The following MGAT5 variants were observed in gnomAD, a reference collection of about 807,000 sequenced individuals.
MGAT5 encodes alpha-1,6-mannosylglycoprotein 6-beta-N-acetylglucosaminyltransferase.
Under a neutral mutation model 94.3 loss-of-function variants are expected in MGAT5, and 30 were observed. The ratio of observed to expected loss-of-function variants is 0.32; its 90% CI spans 0.24 to 0.43. MGAT5 has a LOEUF of 0.43. Among genes scored for constraint, MGAT5 ranks in the 20% least tolerant of loss-of-function variants. MGAT5 has a pLI of 1.00. For synonymous variants in MGAT5, 310 were observed against 322.9 expected (o/e 0.96, Z 0.43); for missense variants, 691 against 905.5 (o/e 0.76, Z 3.04).
chr2:134,318,854 T>C (rs1376660802), intron 4 of MGAT5, 115 bp downstream of exon 4: 1 of 667,418 alleles, frequency 1.5e-6, no homozygotes, highest in African/African-American at 1.8e-5. Context: ...GGAGGACCTA[T>C]GGTTCCGTCC....
chr2:134,147,787 G>A (rs1444821383), intron 1 of MGAT5, among the ~76,000 whole-genome samples: 2 of 152,090 alleles, frequency 1.3e-5, no homozygotes, highest in East Asian at 1.9e-4. Context: ...CTCCTTCCAC[G>A]TCTATGCCTG....
rs142968172 is a variant in MGAT5 at position 134,145,299 on chromosome 2, C to A, written c.-143+25008C>A. 2.5e-3 allele frequency among the ~76,000 whole-genome samples: 374 copies of A among 152,094 alleles called. 2 individuals are homozygous for A. The highest frequency in any genetic ancestry group is 8.1e-3 in the African/African-American group (337 of 41,454). On this transcript the variant is annotated intron_variant, in intron 1 of 16. Coordinates refer to the MGAT5 transcript ENST00000409645. Reference sequence around the variant, plus strand: ...CGGTGGCTCACGCCTGTAATCCCAGCACTTTGGGAGGCTGAGGCAGGCAGA... The same window carrying A: ...CGGTGGCTCACGCCTGTAATCCCAGAACTTTGGGAGGCTGAGGCAGGCAGA...
rs111644943 is a variant in MGAT5 at position 134,327,148 on chromosome 2, T to C, written c.573+8409T>C. Reference sequence around the variant, plus strand: ...CTAACCCTTCCGATCTTAAAAAAAATGTTGTAAACTTTGTAACATTAAAAT... The same window carrying C: ...CTAACCCTTCCGATCTTAAAAAAAACGTTGTAAACTTTGTAACATTAAAAT... On this transcript the variant is annotated intron_variant, in intron 4 of 15. Transcript: ENST00000281923. Among the ~76,000 whole-genome samples, 863 of 152,234 alleles carry C rather than the reference T, an allele frequency of 5.7e-3. 12 individuals carry two copies. Among genetic ancestry groups the C allele is most frequent in the African/African-American group, 0.019 (808 of 41,554 alleles).
chr2:134,422,724 A>G, intron 12 of MGAT5, 79 bp from the exon 13 acceptor site: 4 of 1,048,118 alleles, frequency 3.8e-6, no homozygotes, highest in South Asian at 2.6e-5. Flanking sequence ...ACTCAGTACC[A>G]TAAAAAGCAT....
At chr2:134,302,814 C>T (rs1686107968) in intron 2 of MGAT5, among the ~76,000 whole-genome samples, 1 of 145,768 alleles carries the variant, frequency 6.9e-6, no homozygotes, top group African/African-American at 2.6e-5. Flanking sequence ...GTGACATTGC[C>T]ATCTTTGTTC....
intron 2 of MGAT5, among the ~76,000 whole-genome samples, chr2:134,316,534 T>C (rs569527040): frequency 6.6e-6 from 1 of 152,354 alleles, no homozygotes; most frequent in African/African-American, 2.4e-5. Flanking sequence ...CATTTATTTG[T>C]ATGTTCTCCA....
chr2:134,454,134 C>T lies in MGAT5; in HGVS notation c.*5287C>T, dbSNP rs1297680535. 2.6e-5 allele frequency: 4 copies of T among 152,238 alleles called. No homozygotes were observed. Among genetic ancestry groups the T allele is most frequent in the African/African-American group, 7.2e-5 (3 of 41,406 alleles). 9.4% of individuals were successfully genotyped at this position (152,238 alleles called of 1,614,324 possible). ...CACCCTGACCCCACGGCTGGAGAACCCTGTGCTTATGTGGTGGGCAGGGCC... is the reference window on the plus strand; with the variant it reads ...CACCCTGACCCCACGGCTGGAGAACTCTGTGCTTATGTGGTGGGCAGGGCC... On this transcript the variant is annotated 3_prime_UTR_variant, in exon 16 of 16. Coordinates refer to ENST00000281923, the MANE Select transcript of MGAT5 (RefSeq NM_002410.5).
At chr2:134,438,142 T>C (rs1356542416) in intron 14 of MGAT5, among the ~76,000 whole-genome samples, 1 of 152,100 alleles carries the variant, frequency 6.6e-6, no homozygotes, top group Non-Finnish European at 1.5e-5. Context: ...AAAAGTACTT[T>C]AACTTTGTGT....
At chr2:134,229,271 T>C (rs1464832510) in intron 1 of MGAT5, among the ~76,000 whole-genome samples, 1 of 152,216 alleles carries the variant, frequency 6.6e-6, no homozygotes, top group Non-Finnish European at 1.5e-5. Context: ...TGGCAAGTTA[T>C]AGGAAAGTGA....
Position 134,317,561 on chromosome 2 carries a change from T to C in MGAT5, c.439T>C (p.Leu147=), listed in dbSNP as rs765395943. The C allele has an allele frequency of 8.9e-6, 14 of 1,570,648 alleles. No individual in the cohort carries two copies. The highest frequency in any genetic ancestry group is 1.7e-4 in the Middle Eastern group (1 of 5,968). ...TAACGGAGCTCAAGAAAAATGTGTA[T>C]TGCCTCCTATGGACGGCTACCCTCA... ...IINGAQEKCV[L]PPMDGYPHCE... The change falls in exon 3 of 16, where the codon TTG becomes CTG. Residue 147 remains leucine, a synonymous_variant. Transcript: ENST00000281923.
intron 1 of MGAT5, among the ~76,000 whole-genome samples, chr2:134,263,121 G>A (rs1295209969): frequency 1.3e-5 from 2 of 152,164 alleles, no homozygotes; most frequent in Non-Finnish European, 2.9e-5. Flanking sequence ...GAAGGTGCGG[G>A]CCCTGGCATC....
intron 1 of MGAT5, among the ~76,000 whole-genome samples, chr2:134,261,090 G>T (rs1227556655): frequency 6.6e-6 from 1 of 152,110 alleles, no homozygotes; most frequent in Non-Finnish European, 1.5e-5. Flanking sequence ...TAGACAGGAG[G>T]AGTAAACTCA....
chr2:134,173,655 G>A (rs1267208343), intron 1 of MGAT5, among the ~76,000 whole-genome samples: 1 of 152,168 alleles, frequency 6.6e-6, no homozygotes, highest in African/African-American at 2.4e-5. Flanking sequence ...CTTTGGAGAG[G>A]CCTCTTGGCG....
intron 1 of MGAT5, among the ~76,000 whole-genome samples, chr2:134,226,627 T>A (rs977890185): frequency 6.6e-6 from 1 of 152,188 alleles, no homozygotes; most frequent in African/African-American, 2.4e-5. Flanking sequence ...CAAGATGATG[T>A]TAAGAATGAA....
intron 6 of MGAT5, among the ~76,000 whole-genome samples, chr2:134,341,293 G>A (rs999079126): frequency 4.6e-5 from 7 of 152,116 alleles, no homozygotes; most frequent in African/African-American, 1.7e-4. Flanking sequence ...ATACTGTCCT[G>A]TCTTACCTTC....
chr2:134,248,699 AATGTGG>A (rs1682421181), intron 1 of MGAT5, among the ~76,000 whole-genome samples: 1 of 119,982 alleles, frequency 8.3e-6, no homozygotes, highest in Non-Finnish European at 1.8e-5. Context: ...TGAATGTGTG[AATGTGG>A]CGCATGGGAT....
At chr2:134,196,235 T>G (rs531531299) in intron 1 of MGAT5, among the ~76,000 whole-genome samples, 1 of 152,290 alleles carries the variant, frequency 6.6e-6, no homozygotes, top group African/African-American at 2.4e-5. Context: ...ATAGAATTAA[T>G]TGGTTTGGAT....
chr2:134,183,242 T>G (rs1688838149), intron 1 of MGAT5, among the ~76,000 whole-genome samples: 1 of 152,242 alleles, frequency 6.6e-6, no homozygotes, highest in African/African-American at 2.4e-5. Context: ...AATCATAATA[T>G]TGTTCTTCAA....
At chr2:134,141,185 C>G (rs941807754) in intron 1 of MGAT5, among the ~76,000 whole-genome samples, 1 of 152,186 alleles carries the variant, frequency 6.6e-6, no homozygotes, top group African/African-American at 2.4e-5. Flanking sequence ...TCTGACACAG[C>G]AAGAAGACCC....
Sources: allele counts gnomAD v4.1 joint callset (sites outside exome capture counted in the v4.1 genomes callset), GRCh38; gene constraint gnomAD v4.1.1; transcripts MANE v1.5; gene names NCBI Gene and HGNC (gene_info 2026-07-23, HGNC 2026-07-21).